KIFAP3: variants seen among roughly 807,000 people sequenced by gnomAD.
The protein encoded by KIFAP3 is kinesin associated protein 3, also known as kinesin-associated protein 3.
KIFAP3 carries 68 observed loss-of-function variants against 106.5 expected under a neutral mutation model. The observed-to-expected ratio is 0.64, with a 90% CI of 0.53 to 0.78. KIFAP3 has a LOEUF of 0.78. KIFAP3 is among the 30% of genes least tolerant of loss of function. KIFAP3 has a pLI of 0.00. For synonymous variants in KIFAP3, 320 were observed against 311.5 expected, an observed-to-expected ratio of 1.03 and a Z score of -0.29; for missense variants, 780 against 941.8, an observed-to-expected ratio of 0.83 and a Z score of 2.25.
Position 169,961,106 on chromosome 1 carries a change from T to C in KIFAP3, c.2113A>G (p.Ile705Val). The change falls in exon 18 of 20, where the codon ATT becomes GTT. Residue 705 changes from isoleucine to valine, a missense_variant. By Grantham distance (29) the Ile-to-Val change is conservative. Around this residue, in one of 3 missense-constraint regions of KIFAP3, gnomAD observed 114 missense variants for 122.3 expected, o/e 0.93. Coordinates refer to ENST00000361580, the MANE Select transcript of KIFAP3 (RefSeq NM_014970.4). ...SEQYLYGDDR[I>V]EPYIHEGDIL... ...TCTCCTTCATGAATGTATGGCTCAA[T>C]TCGATCATCACCATACAAGTACTGC... The C allele has an allele frequency of 6.2e-7, 1 of 1,613,654 alleles. No homozygotes were observed.
intron 19 of KIFAP3, among the ~76,000 whole-genome samples, chr1:169,926,775 T>C (rs1663164444): frequency 1.3e-5 from 2 of 152,162 alleles, no homozygotes; most frequent in African/African-American, 4.8e-5. Flanking sequence ...TTAGGAATTC[T>C]ATTCTTCCCA....
At chr1:170,050,055 G>T (rs1670492114) in intron 2 of KIFAP3, among the ~76,000 whole-genome samples, 1 of 151,996 alleles carries the variant, frequency 6.6e-6, no homozygotes, top group Non-Finnish European at 1.5e-5. Flanking sequence ...TGAGTTAAAG[G>T]AGCATGTTCT....
intron 8 of KIFAP3, 64 bp downstream of exon 8, chr1:170,031,822 G>T: frequency 2.9e-6 from 3 of 1,026,670 alleles, no homozygotes; most frequent in Non-Finnish European, 4.5e-6. Context: ...GATAAAAAGT[G>T]AACAAAACAA....
rs945870448 is a variant in KIFAP3, at chr1:170,060,564, A to G, written c.33-5128T>C. Among the ~76,000 whole-genome samples, 4 of 152,360 alleles carry G rather than the reference A, an allele frequency of 2.6e-5. No homozygotes were observed. In the South Asian group the frequency reaches 8.3e-4, roughly 32 times the overall value. ...ATGCTCATGGATAGGAAGAATCAAT[A>G]TCGTGAAAATGGCCATACCGCCTAG... On this transcript the variant is annotated intron_variant, in intron 1 of 19. Transcript: ENST00000361580.
chr1:170,047,252 G>C (rs1027075233), intron 2 of KIFAP3, among the ~76,000 whole-genome samples: 4 of 151,856 alleles, frequency 2.6e-5, no homozygotes, highest in Admixed American at 2.6e-4. Context: ...TTTTCAGCTA[G>C]GGACAAGACA....
chr1:169,940,409 T>C (rs928747534), intron 19 of KIFAP3, among the ~76,000 whole-genome samples: 21 of 152,244 alleles, frequency 1.4e-4, no homozygotes, highest in Admixed American at 1.3e-3. Flanking sequence ...TGAAACCATT[T>C]AGAGCAGCAG....
At chr1:170,047,329 A>AT (rs2102089903) in intron 2 of KIFAP3, among the ~76,000 whole-genome samples, 1 of 152,168 alleles carries the variant, frequency 6.6e-6, no homozygotes, top group Admixed American at 6.5e-5. Context: ...GCAAAAAAAA[A>AT]GTGAGATCTG....
chr1:169,961,287 C>A, intron 17 of KIFAP3, 52 bp from the exon 18 acceptor site: 1 of 1,408,272 alleles, frequency 7.1e-7, no homozygotes, highest in Non-Finnish European at 9.9e-7. Context: ...TCACTTGGCA[C>A]TCAGACGGCA....
chr1:170,026,788 C>T (rs146440088), intron 8 of KIFAP3, among the ~76,000 whole-genome samples: 25 of 152,310 alleles, frequency 1.6e-4, no homozygotes, highest in Middle Eastern at 6.8e-3. Context: ...TCCCATAATT[C>T]ATGCATTAGT....
intron 19 of KIFAP3, among the ~76,000 whole-genome samples, chr1:169,926,216 T>C (rs1663124665): frequency 6.6e-6 from 1 of 152,188 alleles, no homozygotes; most frequent in South Asian, 2.1e-4. Context: ...ATTACACAGC[T>C]CTAAAATCCA....
intron 11 of KIFAP3, among the ~76,000 whole-genome samples, chr1:169,985,509 T>C (rs1666774856): frequency 6.6e-6 from 1 of 151,834 alleles, no homozygotes; most frequent in Non-Finnish European, 1.5e-5. Context: ...TGCCAACATC[T>C]ACCGAAAAGG....
At chr1:170,003,472 G>C (rs953131433) in intron 10 of KIFAP3, among the ~76,000 whole-genome samples, 3 of 152,166 alleles carry the variant, frequency 2.0e-5, no homozygotes, top group Non-Finnish European at 2.9e-5. Context: ...TAGGCTACTC[G>C]GGAGTCAGGG....
chr1:169,931,889 C>G (rs949679289), intron 19 of KIFAP3, among the ~76,000 whole-genome samples: 1 of 152,100 alleles, frequency 6.6e-6, no homozygotes, highest in Non-Finnish European at 1.5e-5. Flanking sequence ...ACCTTAGTTG[C>G]TGGTTCATTT....
intron 11 of KIFAP3, among the ~76,000 whole-genome samples, chr1:169,986,617 T>G (rs1666841837): frequency 6.6e-6 from 1 of 151,882 alleles, no homozygotes. Context: ...AAAAATTAAA[T>G]TACAAATAAA....
At chr1:170,017,754 A>G (rs573082683) in intron 9 of KIFAP3, among the ~76,000 whole-genome samples, 1 of 152,348 alleles carries the variant, frequency 6.6e-6, no homozygotes, top group Admixed American at 6.5e-5. Flanking sequence ...GACACTAACT[A>G]AACACCAACT....
chr1:169,953,664 A>G (rs1452371125), intron 19 of KIFAP3, among the ~76,000 whole-genome samples: 4 of 152,022 alleles, frequency 2.6e-5, no homozygotes, highest in Admixed American at 6.5e-5. Flanking sequence ...ACAGGAGCCC[A>G]CCACCACACC....
Position 170,041,808 on chromosome 1 carries a change from C to G in KIFAP3, c.320-2520G>C, listed in dbSNP as rs201035406. On this transcript the variant is annotated intron_variant, in intron 3 of 19. Coordinates refer to ENST00000361580, the MANE Select transcript of KIFAP3 (RefSeq NM_014970.4). ...TGTTGGCCTCCTTAAAGGTCGTGTT[C>G]CCTCTTCAGAAGTCCTGCTGACCCT... The G allele has an allele frequency of 1.1e-4, 159 of 1,510,152 alleles. No individual in the cohort carries two copies. In the East Asian group the frequency reaches 1.9e-3, roughly 18 times the overall value. The allele number at this position is 1,510,152 out of a possible 1,614,324, so 93.5% of individuals were successfully genotyped here.
intron 1 of KIFAP3, chr1:170,084,979 T>A (rs1471977030): frequency 6.6e-6 from 1 of 152,224 alleles, no homozygotes; most frequent in Non-Finnish European, 1.5e-5. Flanking sequence ...CCAAATGTGT[T>A]GTTTATACAT....
At chr1:170,011,144 A>G (rs1048652687) in intron 10 of KIFAP3, among the ~76,000 whole-genome samples, 8 of 152,026 alleles carry the variant, frequency 5.3e-5, no homozygotes, top group Non-Finnish European at 8.8e-5. Flanking sequence ...GAATTTCTTT[A>G]AATTTTAATT....
Sources: gnomAD v4.1 joint callset for allele counts (sites outside exome capture counted in the v4.1 genomes callset) on GRCh38, gnomAD v4.1.1 for gene constraint, gnomAD v4.1.1 regional missense constraint, MANE v1.5 for transcripts, NCBI Gene and HGNC (gene_info 2026-07-23, HGNC 2026-07-21) for gene names.